The following NCKAP5 variants were observed in gnomAD, a reference collection of about 807,000 sequenced individuals.
NCKAP5 encodes the protein nck-associated protein 5.
NCKAP5 carries 92 observed loss-of-function variants against 167.0 expected under a neutral mutation model. The observed-to-expected ratio is 0.55, with a 90% CI of 0.47 to 0.66. The LOEUF (loss-of-function observed/expected upper bound fraction) is 0.66. NCKAP5 is among the 30% of genes least tolerant of loss of function. The pLI, the probability that NCKAP5 is intolerant of heterozygous loss-of-function variation, is 0.00. For missense variants in NCKAP5, 2,378 were observed against 2,315.0 expected (o/e 1.03, Z -0.56); for synonymous variants, 891 against 877.4 (o/e 1.02, Z -0.27).
intron 3 of NCKAP5, among the ~76,000 whole-genome samples, chr2:133,324,724 T>C (rs1682309264): frequency 6.6e-6 from 1 of 152,194 alleles, no homozygotes; most frequent in East Asian, 1.9e-4. Context: ...GCTTTTTTTT[T>C]TCTTTTCTTT....
chr2:132,696,923 T>G (rs1454270182), intron 19 of NCKAP5, among the ~76,000 whole-genome samples: 1 of 152,190 alleles, frequency 6.6e-6, no homozygotes, highest in African/African-American at 2.4e-5. Flanking sequence ...GGTCTCACTC[T>G]GTCACCCAGG....
chr2:133,038,353 G>A (rs745498864), intron 6 of NCKAP5, among the ~76,000 whole-genome samples: 14 of 152,172 alleles, frequency 9.2e-5, no homozygotes, highest in Non-Finnish European at 2.1e-4. Context: ...TATATTAGGT[G>A]AAATAAGCCA....
chr2:133,102,791 T>A (rs1053787632), intron 6 of NCKAP5, among the ~76,000 whole-genome samples: 13 of 126,046 alleles, frequency 1.0e-4, no homozygotes, highest in South Asian at 2.9e-4. Flanking sequence ...ACACACACAC[T>A]GTACATAAAC....
chr2:132,908,115 C>T (rs183376504), intron 8 of NCKAP5, among the ~76,000 whole-genome samples: 365 of 152,250 alleles, frequency 2.4e-3, no homozygotes, highest in Non-Finnish European at 3.7e-3. Flanking sequence ...ATTTTCATTT[C>T]TGTAACCTTT....
rs1345739425 is a variant in NCKAP5, at chr2:132,782,450, G to T, written c.4361C>A (p.Ala1454Asp). The T allele has an allele frequency of 1.9e-6, 3 of 1,613,258 alleles. No individual in the cohort carries two copies. The highest frequency in any genetic ancestry group is 3.3e-5 in the Admixed American group (2 of 59,868). ...KLETSGRHPD[A>D]SATATDAVSS... The stretch of plus-strand genomic sequence containing the variant: ...CACAGCATCAGTCGCGGTTGCAGAG[G>T]CATCTGGATGCCTTCCAGAAGTTTC... Residue 1454 changes from alanine (A) to aspartate (D), a missense_variant, in exon 14 of 20, where the codon GCC becomes GAC. This residue lies in a region of NCKAP5 where 1,325 missense variants were observed against 1,274.5 expected (regional missense o/e 1.04). Coordinates refer to ENST00000409261, the MANE Select transcript of NCKAP5 (RefSeq NM_207363.3).
intron 9 of NCKAP5, among the ~76,000 whole-genome samples, chr2:132,871,789 TGC>T (rs3043678): frequency 0.24 from 35,877 of 152,038 alleles, 4,520 homozygotes; most frequent in East Asian, 0.39. Context: ...AAGGACTCAC[TGC>T]GCTTCTTTGA....
At chr2:133,369,511 T>C (rs937960268) in intron 3 of NCKAP5, among the ~76,000 whole-genome samples, 1 of 152,246 alleles carries the variant, frequency 6.6e-6, no homozygotes, top group African/African-American at 2.4e-5. Context: ...TTTAGCCATG[T>C]AGGTTTGAGC....
chr2:133,498,480 A>AAGGAAGGCAGGC (rs1310524686), intron 3 of NCKAP5, among the ~76,000 whole-genome samples: 99 of 101,792 alleles, frequency 9.7e-4, no homozygotes, highest in African/African-American at 3.3e-3. Context: ...GGAAGGAAGG[A>AAGGAAGGCAGGC]AGGCAGGCAG....
At chr2:132,881,662 C>T (rs1691769980) in intron 8 of NCKAP5, among the ~76,000 whole-genome samples, 1 of 150,176 alleles carries the variant, frequency 6.7e-6, no homozygotes, top group Admixed American at 6.7e-5. Context: ...GGAAACAGTG[C>T]ACAGGCAATG....
chr2:133,076,830 G>A (rs1353035522), intron 6 of NCKAP5, among the ~76,000 whole-genome samples: 1 of 152,158 alleles, frequency 6.6e-6, no homozygotes, highest in Non-Finnish European at 1.5e-5. Flanking sequence ...GAAGCAGAGA[G>A]AGCAAAGAGC....
At chr2:133,656,438 A>T in the NCKAP5 span, among the ~76,000 whole-genome samples, 1 of 152,228 alleles carries the variant, frequency 6.6e-6, no homozygotes, top group Non-Finnish European at 1.5e-5. Context: ...ATAACAACTC[A>T]TGTACCAGAT....
At chr2:133,173,596 T>C (rs2084336374) in intron 5 of NCKAP5, among the ~76,000 whole-genome samples, 1 of 152,164 alleles carries the variant, frequency 6.6e-6, no homozygotes, top group Non-Finnish European at 1.5e-5. Context: ...TACCACCCAC[T>C]GGTCCCCCTA....
chr2:132,810,518 A>G (rs1302117722), intron 11 of NCKAP5, among the ~76,000 whole-genome samples: 2 of 152,058 alleles, frequency 1.3e-5, no homozygotes, highest in African/African-American at 2.4e-5. Context: ...ATTTGAAGAC[A>G]TTGTCTTTGA....
intron 3 of NCKAP5, among the ~76,000 whole-genome samples, chr2:133,437,535 T>C (rs917573198): frequency 9.2e-5 from 14 of 152,218 alleles, no homozygotes; most frequent in African/African-American, 3.4e-4. Flanking sequence ...CTTTCTCAGC[T>C]GAATATTACT....
At chr2:132,795,820 G>GAAAAACAAAAAA (rs1684537657) in intron 12 of NCKAP5, among the ~76,000 whole-genome samples, 1 of 85,016 alleles carries the variant, frequency 1.2e-5, no homozygotes, top group Admixed American at 1.3e-4. Flanking sequence ...CCCCGTATCA[G>GAAAAACAAAAAA]AAAAAAAAAA....
At chr2:132,954,839 A>G (rs887339310) in intron 8 of NCKAP5, 1 of 371,906 alleles carries the variant, frequency 2.7e-6, no homozygotes, top group Non-Finnish European at 5.3e-6. Context: ...ATAATCAGAA[A>G]ACTGCTAGTA....
the NCKAP5 span, among the ~76,000 whole-genome samples, chr2:133,623,614 C>T: frequency 2.0e-5 from 3 of 151,690 alleles, no homozygotes; most frequent in African/African-American, 7.3e-5. Context: ...CATCTCACTC[C>T]TGCAAGAATG....
At chr2:132,708,295 T>C (rs1486476480) in intron 19 of NCKAP5, among the ~76,000 whole-genome samples, 1 of 152,042 alleles carries the variant, frequency 6.6e-6, no homozygotes, top group African/African-American at 2.4e-5. Context: ...TAAAATGCCA[T>C]TTCTGGACCT....
intron 19 of NCKAP5, among the ~76,000 whole-genome samples, chr2:132,688,415 A>G (rs998934830): frequency 6.6e-6 from 1 of 152,228 alleles, no homozygotes; most frequent in Non-Finnish European, 1.5e-5. Flanking sequence ...CACACAAAAA[A>G]ATCAAAAGAT....
Sources: gnomAD v4.1 joint callset for allele counts (sites outside exome capture counted in the v4.1 genomes callset) on GRCh38, gnomAD v4.1.1 for gene constraint, gnomAD v4.1.1 regional missense constraint, MANE v1.5 for transcripts, NCBI Gene and HGNC (gene_info 2026-07-23, HGNC 2026-07-21) for gene names.